PCDH17: variants seen among roughly 807,000 people sequenced by gnomAD.
PCDH17 encodes protocadherin 17.
PCDH17 carries 21 observed loss-of-function variants against 67.7 expected under a neutral mutation model. That is an observed-to-expected ratio of 0.31 (90% CI 0.22 to 0.45). The LOEUF (loss-of-function observed/expected upper bound fraction) is 0.45. Ranked by LOEUF, PCDH17 falls within the 20% of genes least tolerant of loss-of-function variation. The pLI is 1.00. For synonymous variants in PCDH17, 701 were observed against 656.7 expected (o/e 1.07, Z -1.03); for missense variants, 1,471 against 1,564.8 (o/e 0.94, Z 1.01).
At chr13:57,680,013 A>G (rs1955433392) in intron 3 of PCDH17, among the ~76,000 whole-genome samples, 1 of 151,458 alleles carries the variant, frequency 6.6e-6, no homozygotes, top group African/African-American at 2.4e-5. Flanking sequence ...ATATTACTTC[A>G]GTAATTCAGT....
intron 3 of PCDH17, among the ~76,000 whole-genome samples, chr13:57,687,990 C>T (rs1433163232): frequency 6.6e-6 from 1 of 151,978 alleles, no homozygotes; most frequent in Non-Finnish European, 1.5e-5. Flanking sequence ...GAGAGACTGT[C>T]AATTTGTAAC....
Position 57,726,126 on chromosome 13 carries a change from G to C in PCDH17, c.*832G>C, listed in dbSNP as rs1955914879. On this transcript the variant is annotated 3_prime_UTR_variant, in exon 4 of 4. Transcript: ENST00000377918. ...TATGTTTTAAATTTGACATAGAAAA[G>C]TTCTAAAAAATAGTTACCATTGAGT... The C allele has an allele frequency of 6.6e-6, 1 of 152,512 alleles. No homozygotes were observed. Among genetic ancestry groups the C allele is most frequent in the Non-Finnish European group, 1.5e-5 (1 of 68,004 alleles). 9.4% of individuals were successfully genotyped at this position (152,512 alleles called of 1,614,324 possible).
At position 57,725,212 on chromosome 13, in the gene PCDH17, T is replaced by C. The variant is rs1593955535; in HGVS notation, c.3398T>C (p.Val1133Ala). Residue 1133 changes from valine to alanine, a missense_variant, in exon 4 of 4, where the codon GTG (valine) becomes GCG (alanine). By Grantham distance (64) the Val-to-Ala change is moderately conservative (BLOSUM62 0). Transcript: ENST00000377918. ...AACAGGGATCTGGGCAGAGAGTCTG[T>C]GGATGCAGAGGAAGTTGTGAGAGAA... ...HPNRDLGRES[V>A]DAEEVVREID... The C allele has an allele frequency of 6.2e-7, 1 of 1,613,364 alleles. No homozygotes were observed. Among genetic ancestry groups the C allele is most frequent in the East Asian group, 2.2e-5 (1 of 44,840 alleles).
chr13:57,696,822 A>G (rs1314778144), intron 3 of PCDH17, among the ~76,000 whole-genome samples: 2 of 151,516 alleles, frequency 1.3e-5, no homozygotes, highest in Admixed American at 1.3e-4. Context: ...TCTAAATGGC[A>G]GTGAAATTGC....
chr13:57,647,793 C>T (rs997596864), intron 1 of PCDH17, among the ~76,000 whole-genome samples: 16 of 151,786 alleles, frequency 1.1e-4, no homozygotes, highest in African/African-American at 3.1e-4. Flanking sequence ...TGTGGTTCTT[C>T]GGGCAAGAGT....
intron 3 of PCDH17, among the ~76,000 whole-genome samples, chr13:57,672,761 T>G (rs1273712992): frequency 6.6e-6 from 1 of 151,992 alleles, no homozygotes; most frequent in African/African-American, 2.4e-5. Flanking sequence ...TAGTTCTGAC[T>G]CTTCCAATTA....
At chr13:57,719,537 T>C (rs1295389499) in intron 3 of PCDH17, among the ~76,000 whole-genome samples, 3 of 152,040 alleles carry the variant, frequency 2.0e-5, no homozygotes, top group Non-Finnish European at 2.9e-5. Context: ...TGTACAAATA[T>C]GTAAGTTCCC....
At chr13:57,676,222 G>GA (rs35669563) in intron 3 of PCDH17, among the ~76,000 whole-genome samples, 8 of 151,282 alleles carry the variant, frequency 5.3e-5, no homozygotes, top group Non-Finnish European at 1.0e-4. Context: ...GAGATGCTAG[G>GA]AAAAAAACAA....
chr13:57,701,952 C>G (rs945431598), intron 3 of PCDH17, among the ~76,000 whole-genome samples: 22 of 151,914 alleles, frequency 1.4e-4, no homozygotes, highest in East Asian at 5.8e-4. Flanking sequence ...GAGTCTTGCT[C>G]TGTTGCCCAG....
upstream of PCDH17, among the ~76,000 whole-genome samples, chr13:57,631,268 GAA>G (rs1045981060): frequency 6.6e-6 from 1 of 152,172 alleles, no homozygotes; most frequent in African/African-American, 2.4e-5. Flanking sequence ...TGAATAGAAA[GAA>G]AAGAGGCACT....
intron 1 of PCDH17, among the ~76,000 whole-genome samples, chr13:57,662,544 G>C (rs1156872339): frequency 6.6e-6 from 1 of 152,072 alleles, no homozygotes; most frequent in Non-Finnish European, 1.5e-5. Flanking sequence ...TTAAGGACAT[G>C]TAAGTGGCCA....
At chr13:57,649,694 A>G (rs534739825) in intron 1 of PCDH17, among the ~76,000 whole-genome samples, 194 of 152,298 alleles carry the variant, frequency 1.3e-3, no homozygotes, top group Non-Finnish European at 2.5e-3. Context: ...GTTCTGCAAT[A>G]ATAGGAGAGC....
chr13:57,688,893 A>AG (rs1252879348), intron 3 of PCDH17, among the ~76,000 whole-genome samples: 4 of 152,016 alleles, frequency 2.6e-5, no homozygotes, highest in African/African-American at 9.7e-5. Context: ...AAACATATGG[A>AG]GAAGTTTTGC....
At chr13:57,695,110 G>GA (rs1029877926) in intron 3 of PCDH17, among the ~76,000 whole-genome samples, 2 of 150,324 alleles carry the variant, frequency 1.3e-5, no homozygotes, top group East Asian at 3.9e-4. Flanking sequence ...CCTACTGCCT[G>GA]AAAAAAAATG....
upstream of PCDH17, among the ~76,000 whole-genome samples, chr13:57,631,261 A>G (rs927462377): frequency 4.6e-5 from 7 of 152,184 alleles, no homozygotes; most frequent in Non-Finnish European, 1.0e-4. Flanking sequence ...GAGATGCTGA[A>G]TAGAAAGAAA....
chr13:57,632,428 A>AC lies in PCDH17; in HGVS notation c.-116dup. The AC allele has an allele frequency of 1.0e-6, 1 of 988,614 alleles. No individual in the cohort carries two copies. Among genetic ancestry groups the AC allele is most frequent in the Non-Finnish European group, 1.5e-6 (1 of 669,150 alleles). The allele number at this position is 988,614 out of a possible 1,614,324, so 61.2% of individuals were successfully genotyped here. On this transcript the variant is annotated 5_prime_UTR_variant, in exon 1 of 4. Transcript: ENST00000377918. Reference sequence around the variant, plus strand: ...AGCTCGGGTGCAGAGGGAAAAAAGGACCCATAGACTTGTGGCTCGCGTCGC... The same window carrying AC: ...AGCTCGGGTGCAGAGGGAAAAAAGGACCCCATAGACTTGTGGCTCGCGTCGC...
intron 1 of PCDH17, among the ~76,000 whole-genome samples, chr13:57,653,802 T>C (rs1955070974): frequency 6.6e-6 from 1 of 152,150 alleles, no homozygotes; most frequent in Non-Finnish European, 1.5e-5. Flanking sequence ...GAATTTATAA[T>C]ATGCTTTAGG....
rs1181857804 is a variant in PCDH17, at chr13:57,713,705, A to T, written c.2798-10907A>T. Among the ~76,000 whole-genome samples, 7 of 151,502 alleles carry T rather than the reference A, an allele frequency of 4.6e-5. No individual in the cohort carries two copies. The Admixed American group carries it at 4.6e-4, about 10-fold the overall frequency. ...TATGTATTTATTCAAGTACATATTT[A>T]TTATTATTTTTCTGTGTGTGTGCAT... On this transcript the variant is annotated intron_variant, in intron 3 of 3. Transcript: ENST00000377918.
intron 3 of PCDH17, among the ~76,000 whole-genome samples, chr13:57,686,864 GAAGGGATGCTTAC>G (rs1955512254): frequency 6.6e-6 from 1 of 152,008 alleles, no homozygotes; most frequent in Non-Finnish European, 1.5e-5. Flanking sequence ...GAACACTCAA[GAAGGGATGCTTAC>G]AATTTTTCAG....
Sources: allele counts gnomAD v4.1 joint callset (sites outside exome capture counted in the v4.1 genomes callset), GRCh38; gene constraint gnomAD v4.1.1; transcripts MANE v1.5; gene names NCBI Gene and HGNC (gene_info 2026-07-23, HGNC 2026-07-21).